PHF21B: variants seen among roughly 807,000 people sequenced by gnomAD.
The protein encoded by PHF21B is PHD finger protein 21B.
A neutral mutation model predicts 62.2 loss-of-function variants in PHF21B; 22 were observed. That is an observed-to-expected ratio of 0.35 (90% CI 0.25 to 0.51). The LOEUF (loss-of-function observed/expected upper bound fraction) is 0.51, where lower values mean the gene tolerates loss of function less well. Among genes scored for constraint, PHF21B ranks in the 20% least tolerant of loss-of-function variants. The pLI, the probability that PHF21B is intolerant of heterozygous loss-of-function variation, is 0.97. For missense variants in PHF21B, 701 were observed against 707.9 expected, an observed-to-expected ratio of 0.99 and a Z score of 0.11; for synonymous variants, 341 against 314.7, an observed-to-expected ratio of 1.08 and a Z score of -0.88.
At position 44,900,361 on chromosome 22, in the gene PHF21B, C is replaced by T. The variant is rs138751520; in HGVS notation, c.832-4278G>A. 2.5e-3 allele frequency among the ~76,000 whole-genome samples: 375 copies of T among 152,236 alleles called. 4 individuals are homozygous for T. Among genetic ancestry groups the T allele is most frequent in the African/African-American group, 8.7e-3 (362 of 41,518 alleles). On this transcript the variant is annotated intron_variant, in intron 5 of 12. Transcript: ENST00000313237. ...TGTTGCCCAGACTGGAGTGTAGTGGCATGATCTTGGCTCACTGCAACCTCC... is the reference window on the plus strand; with the variant it reads ...TGTTGCCCAGACTGGAGTGTAGTGGTATGATCTTGGCTCACTGCAACCTCC...
chr22:45,004,565 G>T (rs1321732443), intron 2 of PHF21B, among the ~76,000 whole-genome samples: 1 of 152,204 alleles, frequency 6.6e-6, no homozygotes, highest in Non-Finnish European at 1.5e-5. Context: ...TCAACAATGA[G>T]AACTGGCACT....
chr22:44,882,889 T>C lies in PHF21B; in HGVS notation c.*197A>G, dbSNP rs1464421729. ...TGGCTCCTAGGTACCCCCTGTGAAT[T>C]TGGAGGGCACAGGGCCGCACCCCCA... On this transcript the variant is annotated 3_prime_UTR_variant, in exon 13 of 13. Coordinates refer to ENST00000313237, the MANE Select transcript of PHF21B (RefSeq NM_138415.5). The C allele has an allele frequency of 2.5e-5, 15 of 608,236 alleles. No individual in the cohort carries two copies. The highest frequency in any genetic ancestry group is 2.0e-4 in the South Asian group (8 of 40,556). 37.7% of individuals were successfully genotyped at this position (608,236 alleles called of 1,614,324 possible).
chr22:44,930,820 C>T (rs1324069743), intron 2 of PHF21B, among the ~76,000 whole-genome samples: 2 of 152,228 alleles, frequency 1.3e-5, no homozygotes, highest in Non-Finnish European at 2.9e-5. Context: ...GCGGCACCCC[C>T]CAACCCCGAG....
intron 2 of PHF21B, among the ~76,000 whole-genome samples, chr22:44,982,412 A>C (rs924896591): frequency 1.3e-5 from 2 of 152,136 alleles, no homozygotes; most frequent in African/African-American, 4.8e-5. Flanking sequence ...GGCACTACCA[A>C]ACCCTTCCAC....
At chr22:44,933,058 T>G (rs926507861) in intron 2 of PHF21B, among the ~76,000 whole-genome samples, 5 of 152,006 alleles carry the variant, frequency 3.3e-5, no homozygotes, top group African/African-American at 7.3e-5. Flanking sequence ...AGACTTCTGG[T>G]TGGATTGGCA....
chr22:44,916,466 G>C lies in PHF21B; in HGVS notation c.378C>G (p.Pro126=). The C allele has an allele frequency of 6.2e-7, 1 of 1,604,368 alleles. No individual in the cohort carries two copies. The highest frequency in any genetic ancestry group is 1.1e-5 in the South Asian group (1 of 90,866). ...ANNTVSHVPA[P]GSQPQALAEP... ...CGGCGAGGGCCTGGGGCTGGCTGCC[G>C]GGCGCTGGCACATGGCTGACAGTGT... Residue 126 remains proline, a synonymous_variant, in exon 4 of 13, where the codon CCC becomes CCG. Coordinates refer to ENST00000313237, the MANE Select transcript of PHF21B (RefSeq NM_138415.5).
chr22:44,962,851 C>T (rs1266725242), intron 2 of PHF21B, among the ~76,000 whole-genome samples: 1 of 152,076 alleles, frequency 6.6e-6, no homozygotes, highest in Non-Finnish European at 1.5e-5. Flanking sequence ...GACTCAGCCC[C>T]GATGCATTTA....
At chr22:44,983,502 C>T (rs1446395562) in intron 2 of PHF21B, among the ~76,000 whole-genome samples, 1 of 152,210 alleles carries the variant, frequency 6.6e-6, no homozygotes, top group Non-Finnish European at 1.5e-5. Context: ...GGAGGGGTCC[C>T]TGTGGGCATC....
Position 45,008,546 on chromosome 22 carries a change from T to C in PHF21B, c.119A>G (p.Gln40Arg). Residue 40 changes from glutamine to arginine, a missense_variant and splice_region_variant, in exon 2 of 13, where the codon CAA becomes CGA. By Grantham distance (43) the Gln-to-Arg change is conservative. Coordinates refer to ENST00000313237, the MANE Select transcript of PHF21B (RefSeq NM_138415.5). ...GGGGGCCGCGATCCCATCGCTTACT[T>C]GTTTGTCGCTGAGCGCGGCGATCCG... ...QPRIAALSDK[Q>R]ALGTITAVPV... The C allele has an allele frequency of 1.9e-6, 3 of 1,578,426 alleles. No individual in the cohort carries two copies. Among genetic ancestry groups the C allele is most frequent in the Non-Finnish European group, 2.6e-6 (3 of 1,162,238 alleles).
In PHF21B at chr22:44,920,476, G is replaced by C. The variant is rs768196506; in HGVS notation, c.135C>G (p.Ile45Met). The change falls in exon 3 of 13, where the codon ATC becomes ATG. Residue 45 changes from isoleucine (I) to methionine (M), a missense_variant. Coordinates refer to ENST00000313237, the MANE Select transcript of PHF21B (RefSeq NM_138415.5). ...GAGGACCCGTGACAGGCACTGCAGTGATCGTTCCCAAAGCCTGAAACATAC... is the reference window on the plus strand; with the variant it reads ...GAGGACCCGTGACAGGCACTGCAGTCATCGTTCCCAAAGCCTGAAACATAC... ...ALSDKQALGTITAVPVTGPQV... is the reference protein window; with the variant it reads ...ALSDKQALGTMTAVPVTGPQV... The C allele has an allele frequency of 1.2e-6, 2 of 1,611,332 alleles. No homozygotes were observed. The highest frequency in any genetic ancestry group is 1.7e-6 in the Non-Finnish European group (2 of 1,178,428).
At chr22:44,897,651 A>G (rs938272266) in intron 5 of PHF21B, among the ~76,000 whole-genome samples, 1 of 151,996 alleles carries the variant, frequency 6.6e-6, no homozygotes, top group Non-Finnish European at 1.5e-5. Context: ...TCTTTTATTT[A>G]TGGGGCTGGC....
chr22:44,987,407 T>G (rs2072969987), intron 2 of PHF21B, among the ~76,000 whole-genome samples: 1 of 152,184 alleles, frequency 6.6e-6, no homozygotes, highest in Non-Finnish European at 1.5e-5. Flanking sequence ...TAAGCTAAGC[T>G]GTAACAGCCA....
intron 4 of PHF21B, among the ~76,000 whole-genome samples, chr22:44,914,438 TC>T (rs1351409935): frequency 6.6e-6 from 1 of 152,170 alleles, no homozygotes; most frequent in Admixed American, 6.5e-5. Flanking sequence ...GCCACACCTC[TC>T]CCCAGGGAGG....
rs1424265634 is a variant in PHF21B at position 44,916,308 on chromosome 22, T to C, written c.536A>G (p.Gln179Arg). The change falls in exon 4 of 13, where the codon CAG (glutamine) becomes CGG (arginine). Residue 179 changes from glutamine (Q) to arginine (R), a missense_variant. Gln to Arg is a conservative substitution (Grantham distance 43). Transcript: ENST00000313237. ...VSVVSDSIKV[Q>R]PLLISADNKP... is the part of the protein sequence containing the mutation. ...GTTGTCAGCACTGATGAGGAGGGGC[T>C]GGACTTTGATGCTGTCACTGACCAC... is the stretch of plus-strand genomic sequence containing the variant. 6.2e-7 allele frequency: 1 copy of C among 1,602,226 alleles called. No homozygotes were observed. The highest frequency in any genetic ancestry group is 8.5e-7 in the Non-Finnish European group (1 of 1,177,570).
intron 2 of PHF21B, among the ~76,000 whole-genome samples, chr22:45,000,075 G>A (rs1363894379): frequency 6.6e-6 from 1 of 152,120 alleles, no homozygotes; most frequent in Non-Finnish European, 1.5e-5. Flanking sequence ...CTCCAAGGCG[G>A]CAAAGCCTGC....
intron 4 of PHF21B, among the ~76,000 whole-genome samples, chr22:44,916,008 C>A (rs1476661123): frequency 6.6e-6 from 1 of 152,232 alleles, no homozygotes; most frequent in Non-Finnish European, 1.5e-5. Flanking sequence ...TCCTTTTCCA[C>A]TGGTATTAAT....
At chr22:44,958,267 TGA>T (rs2072342545) in intron 2 of PHF21B, among the ~76,000 whole-genome samples, 1 of 151,844 alleles carries the variant, frequency 6.6e-6, no homozygotes, top group Non-Finnish European at 1.5e-5. Context: ...GCTGCCTCCC[TGA>T]CTCTCTCCCT....
chr22:44,887,069 T>C (rs1157566072), intron 10 of PHF21B, among the ~76,000 whole-genome samples: 2 of 148,216 alleles, frequency 1.3e-5, no homozygotes, highest in African/African-American at 5.0e-5. Flanking sequence ...AGCAGGAGAA[T>C]CGCTTGAACC....
At chr22:44,928,824 G>C (rs943205030) in intron 2 of PHF21B, among the ~76,000 whole-genome samples, 1 of 152,206 alleles carries the variant, frequency 6.6e-6, no homozygotes, top group African/African-American at 2.4e-5. Flanking sequence ...GGACAAGGGT[G>C]GACCAGGCTC....
Sources: allele counts gnomAD v4.1 joint callset (sites outside exome capture counted in the v4.1 genomes callset), GRCh38; gene constraint gnomAD v4.1.1; transcripts MANE v1.5; gene names NCBI Gene and HGNC (gene_info 2026-07-23, HGNC 2026-07-21).